PCDHGA5: variants seen among roughly 807,000 people sequenced by gnomAD.
PCDHGA5 encodes the protein protocadherin gamma subfamily A, 5, also known as protocadherin gamma-A5.
Under a neutral mutation model 56.7 loss-of-function variants are expected in PCDHGA5, and 36 were observed. That is an observed-to-expected ratio of 0.64 (90% CI 0.49 to 0.84). The LOEUF is 0.84. Ranked by LOEUF, PCDHGA5 falls within the 40% of genes least tolerant of loss-of-function variation. The pLI, the probability that PCDHGA5 is intolerant of heterozygous loss-of-function variation, is 0.00. For synonymous variants in PCDHGA5, 563 were observed against 520.2 expected (o/e 1.08, Z -1.12); for missense variants, 1,305 against 1,201.5 (o/e 1.09, Z -1.27).
chr5:141,419,035 T>G, intron 1 of PCDHGA5: 1 of 1,613,954 alleles, frequency 6.2e-7, no homozygotes, highest in Non-Finnish European at 8.5e-7. Context: ...GTGTTCCATT[T>G]AAGATTCATT....
intron 3 of PCDHGA5, among the ~76,000 whole-genome samples, chr5:141,510,375 G>A (rs980966602): frequency 3.4e-5 from 5 of 148,132 alleles, no homozygotes; most frequent in East Asian, 2.0e-4. Context: ...ATCTCTACTC[G>A]TGCCAGGCCT....
At chr5:141,419,449 C>T (rs780917543) in intron 1 of PCDHGA5, 5 of 1,612,958 alleles carry the variant, frequency 3.1e-6, no homozygotes, top group Non-Finnish European at 4.2e-6. Context: ...CCTTCGAGCT[C>T]ACGCTGCAGG....
chr5:141,383,817 A>T, intron 1 of PCDHGA5: 1 of 1,613,926 alleles, frequency 6.2e-7, no homozygotes, highest in Non-Finnish European at 8.5e-7. Context: ...CTTTAGAAGG[A>T]TTAGATTATG....
chr5:141,403,204 G>A, intron 1 of PCDHGA5: 4 of 1,613,952 alleles, frequency 2.5e-6, no homozygotes, highest in Non-Finnish European at 3.4e-6. Flanking sequence ...GCGGCACCTT[G>A]GTCACCGCGG....
chr5:141,413,914 A>G (rs776089620), intron 1 of PCDHGA5: 13 of 1,613,234 alleles, frequency 8.1e-6, no homozygotes. Flanking sequence ...GCCGGTCTTC[A>G]CCTTGCCAGA....
Position 141,464,802 on chromosome 5 carries a change from A to G in PCDHGA5, c.2422-30005A>G, listed in dbSNP as rs545738780. ...TGCCCAGGCCAAATTGCAGTGATGC[A>G]GTCATAGCTCACTGTAGCCTCGCAC... On this transcript the variant is annotated intron_variant, in intron 1 of 3. Transcript: ENST00000518069. Among the ~76,000 whole-genome samples, 25 of 152,032 alleles carry G rather than the reference A, an allele frequency of 1.6e-4. No homozygotes were observed. In the East Asian group the frequency reaches 4.8e-3, roughly 29 times the overall value.
chr5:141,421,912 A>G (rs1207036091), intron 1 of PCDHGA5: 2 of 1,613,696 alleles, frequency 1.2e-6, no homozygotes, highest in Admixed American at 1.7e-5. Context: ...CGCAGTTCCC[A>G]TTCGTGTGGT....
At chr5:141,391,449 A>C (rs1432134490) in intron 1 of PCDHGA5, 2 of 152,026 alleles carry the variant, frequency 1.3e-5, no homozygotes, top group Admixed American at 1.3e-4. Context: ...ACTAGCTGGA[A>C]CTCAGGCTCA....
intron 1 of PCDHGA5, chr5:141,410,641 T>G: frequency 6.3e-7 from 1 of 1,599,146 alleles, no homozygotes. Context: ...CTTTTTTGTG[T>G]GTGATTTATC....
chr5:141,434,027 G>A (rs887125944), intron 1 of PCDHGA5, among the ~76,000 whole-genome samples: 3 of 152,130 alleles, frequency 2.0e-5, no homozygotes, highest in Non-Finnish European at 2.9e-5. Flanking sequence ...GATTCTGGAA[G>A]CATGGTTTTC....
At chr5:141,466,054 G>A (rs2099115921) in intron 1 of PCDHGA5, among the ~76,000 whole-genome samples, 1 of 152,080 alleles carries the variant, frequency 6.6e-6, no homozygotes, top group Non-Finnish European at 1.5e-5. Context: ...CCCAGGAGAC[G>A]GAGCTTGCAG....
chr5:141,446,558 T>G (rs1413501675), intron 1 of PCDHGA5, among the ~76,000 whole-genome samples: 3 of 151,788 alleles, frequency 2.0e-5, no homozygotes, highest in Non-Finnish European at 1.5e-5. Flanking sequence ...CTCACTGCAA[T>G]CTCTGCCTCC....
Position 141,432,812 on chromosome 5 carries a change from G to A in PCDHGA5, c.2422-61995G>A, listed in dbSNP as rs753429933. ...CAGCCTCGAGTCTCCAGCTAACTCT[G>A]AAACCTCAGACCTCACTCTGTACCT... On this transcript the variant is annotated intron_variant, in intron 1 of 3. Coordinates refer to ENST00000518069, the MANE Select transcript of PCDHGA5 (RefSeq NM_018918.3). This position sits in a 1 kb window ranked among gnomAD's most constrained non-coding sequence, Gnocchi z 6.0. 1.2e-6 allele frequency: 2 copies of A among 1,614,176 alleles called. No homozygotes were observed. Among genetic ancestry groups the A allele is most frequent in the Non-Finnish European group, 1.7e-6 (2 of 1,180,014 alleles).
intron 1 of PCDHGA5, chr5:141,393,454 C>A: frequency 1.2e-6 from 2 of 1,614,046 alleles, no homozygotes; most frequent in South Asian, 1.1e-5. Context: ...GTCCTCACGG[C>A]CTCGGATGGC....
intron 1 of PCDHGA5, among the ~76,000 whole-genome samples, chr5:141,471,996 G>A (rs2099268647): frequency 6.6e-6 from 1 of 152,006 alleles, no homozygotes; most frequent in Admixed American, 6.6e-5. Context: ...AAAAATCCCT[G>A]CATCGTATAG....
At chr5:141,403,614 G>A (rs772617526) in intron 1 of PCDHGA5, 4 of 1,613,750 alleles carry the variant, frequency 2.5e-6, no homozygotes, top group Non-Finnish European at 3.4e-6. Flanking sequence ...GGCGAGCCGC[G>A]TCGCTCCAGC....
At chr5:141,480,033 C>T (rs370321166) in intron 1 of PCDHGA5, among the ~76,000 whole-genome samples, 1 of 152,106 alleles carries the variant, frequency 6.6e-6, no homozygotes, top group African/African-American at 2.4e-5. Flanking sequence ...AAGCCTCTTC[C>T]TCATATGCAA....
chr5:141,409,259 T>C lies in PCDHGA5; in HGVS notation c.2421+42508T>C, dbSNP rs370130162. ...CCCAGAAATAATCATCACTTCTCTC[T>C]CTGATCAGATTTTGGAGAATTCACC... is the stretch of plus-strand genomic sequence containing the variant. On this transcript the variant is annotated intron_variant, in intron 1 of 3. Coordinates refer to ENST00000518069, the MANE Select transcript of PCDHGA5 (RefSeq NM_018918.3). The C allele has an allele frequency of 1.9e-6, 3 of 1,614,012 alleles. No individual in the cohort carries two copies. Among genetic ancestry groups the C allele is most frequent in the South Asian group, 2.2e-5 (2 of 91,082 alleles).
At chr5:141,374,168 G>A in intron 1 of PCDHGA5, 1 of 1,613,320 alleles carries the variant, frequency 6.2e-7, no homozygotes, top group Non-Finnish European at 8.5e-7. Flanking sequence ...GGCCGCGGCA[G>A]CGCAGATCCG....
Sources: gnomAD v4.1 joint callset for allele counts (sites outside exome capture counted in the v4.1 genomes callset) on GRCh38, gnomAD v4.1.1 for gene constraint, Gnocchi (gnomAD v3.1) non-coding constraint, MANE v1.5 for transcripts, NCBI Gene and HGNC (gene_info 2026-07-23, HGNC 2026-07-21) for gene names.